The following PTPRO variants were observed in gnomAD, a reference collection of about 807,000 sequenced individuals.
PTPRO encodes the protein protein tyrosine phosphatase receptor type O.
Under a neutral mutation model 145.2 loss-of-function variants are expected in PTPRO, and 62 were observed. The ratio of observed to expected loss-of-function variants is 0.43; its 90% CI spans 0.35 to 0.53. The LOEUF (loss-of-function observed/expected upper bound fraction) is 0.53. Among genes scored for constraint, PTPRO ranks in the 20% least tolerant of loss-of-function variants. The pLI is 0.01. For synonymous variants in PTPRO, 565 were observed against 514.7 expected (o/e 1.10, Z -1.32); for missense variants, 1,345 against 1,482.7 (o/e 0.91, Z 1.53).
chr12:15,554,695 T>C (rs1943571277), intron 15 of PTPRO, among the ~76,000 whole-genome samples: 1 of 152,198 alleles, frequency 6.6e-6, no homozygotes, highest in East Asian at 1.9e-4. Flanking sequence ...GCTGGTTAGA[T>C]TGTGCCCACC....
intron 1 of PTPRO, among the ~76,000 whole-genome samples, chr12:15,432,646 C>T (rs1025515013): frequency 7.9e-5 from 12 of 152,164 alleles, no homozygotes; most frequent in East Asian, 3.9e-4. Flanking sequence ...CCCTTTTCTC[C>T]GCAACCTTGC....
At chr12:15,431,823 T>G (rs563310870) in intron 1 of PTPRO, among the ~76,000 whole-genome samples, 19 of 152,284 alleles carry the variant, frequency 1.2e-4, no homozygotes, top group African/African-American at 4.6e-4. Flanking sequence ...TATTATTTCT[T>G]TTTTGAACCT....
intron 1 of PTPRO, among the ~76,000 whole-genome samples, chr12:15,356,903 G>T (rs1481710087): frequency 2.0e-5 from 3 of 152,072 alleles, no homozygotes; most frequent in African/African-American, 7.2e-5. Context: ...TGTGGTATTG[G>T]CTAGGGAGGC....
At chr12:15,488,007 G>C (rs967166461) in intron 2 of PTPRO, among the ~76,000 whole-genome samples, 1 of 152,090 alleles carries the variant, frequency 6.6e-6, no homozygotes, top group African/African-American at 2.4e-5. Flanking sequence ...GTGAAATAGT[G>C]TGTCGCCTCT....
chr12:15,341,536 G>A (rs1866985251), intron 1 of PTPRO, among the ~76,000 whole-genome samples: 1 of 152,154 alleles, frequency 6.6e-6, no homozygotes, highest in Admixed American at 6.5e-5. Context: ...GCTTCAACTG[G>A]AGAGCTCAGC....
intron 1 of PTPRO, among the ~76,000 whole-genome samples, chr12:15,347,623 GT>G (rs1867270651): frequency 6.6e-6 from 1 of 152,144 alleles, no homozygotes; most frequent in Non-Finnish European, 1.5e-5. Context: ...CACTCAGATA[GT>G]TTTAGAATGA....
At chr12:15,466,253 GA>G (rs1249489156) in intron 1 of PTPRO, among the ~76,000 whole-genome samples, 1 of 151,956 alleles carries the variant, frequency 6.6e-6, no homozygotes, top group African/African-American at 2.4e-5. Context: ...GTATTTTGAA[GA>G]AGATAAAAAT....
At chr12:15,458,757 T>C (rs1328988236) in intron 1 of PTPRO, among the ~76,000 whole-genome samples, 1 of 152,110 alleles carries the variant, frequency 6.6e-6, no homozygotes, top group African/African-American at 2.4e-5. Flanking sequence ...GCATGTTCTA[T>C]TGACCTCATT....
At chr12:15,418,328 T>C (rs1234780161) in intron 1 of PTPRO, among the ~76,000 whole-genome samples, 1 of 151,774 alleles carries the variant, frequency 6.6e-6, no homozygotes. Context: ...ATAATTTCTC[T>C]GGGGTTCACA....
chr12:15,346,719 G>A (rs188838299), intron 1 of PTPRO: 18 of 152,276 alleles, frequency 1.2e-4, no homozygotes, highest in Non-Finnish European at 2.4e-4. Flanking sequence ...CATGAGGATA[G>A]GGAGACCAAC....
chr12:15,408,891 C>A (rs943754621), intron 1 of PTPRO, among the ~76,000 whole-genome samples: 2 of 152,112 alleles, frequency 1.3e-5, no homozygotes, highest in East Asian at 3.9e-4. Flanking sequence ...TTTGTCCAAT[C>A]TCTCCAACTA....
intron 1 of PTPRO, among the ~76,000 whole-genome samples, chr12:15,464,704 T>C (rs1033479149): frequency 2.6e-5 from 4 of 152,008 alleles, no homozygotes; most frequent in African/African-American, 9.7e-5. Context: ...CCTTTGTAAA[T>C]AGAGATATTT....
intron 7 of PTPRO, among the ~76,000 whole-genome samples, chr12:15,513,805 AC>A (rs1374604095): frequency 2.6e-5 from 4 of 152,222 alleles, no homozygotes; most frequent in Non-Finnish European, 5.9e-5. Context: ...TCTGGTTTAA[AC>A]ATTCTCAAAC....
intron 1 of PTPRO, among the ~76,000 whole-genome samples, chr12:15,435,828 C>T (rs1940580407): frequency 6.6e-6 from 1 of 152,162 alleles, no homozygotes; most frequent in Non-Finnish European, 1.5e-5. Flanking sequence ...ATTTTAGCTG[C>T]ACCATTGAAA....
intron 1 of PTPRO, among the ~76,000 whole-genome samples, chr12:15,407,639 A>C (rs753337281): frequency 6.6e-6 from 1 of 152,232 alleles, no homozygotes; most frequent in Non-Finnish European, 1.5e-5. Flanking sequence ...CCAACCTGCA[A>C]TTACAGCTAG....
intron 1 of PTPRO, among the ~76,000 whole-genome samples, chr12:15,351,635 G>T (rs947215611): frequency 1.3e-5 from 2 of 152,212 alleles, no homozygotes; most frequent in Non-Finnish European, 2.9e-5. Context: ...GGAAAGTAAA[G>T]AAGGTAGAGG....
At chr12:15,388,923 GAA>G (rs544965026) in intron 1 of PTPRO, among the ~76,000 whole-genome samples, 2 of 146,326 alleles carry the variant, frequency 1.4e-5, no homozygotes, top group Non-Finnish European at 3.0e-5. Context: ...CTCCATTCTA[GAA>G]AAAAAAAATC....
chr12:15,424,320 A>G (rs865804136), intron 1 of PTPRO, among the ~76,000 whole-genome samples: 2 of 152,092 alleles, frequency 1.3e-5, no homozygotes, highest in Non-Finnish European at 2.9e-5. Context: ...TTGGTATTCC[A>G]TTTTCCTTTA....
In PTPRO at chr12:15,409,930, G is replaced by C. The variant is rs149689444; in HGVS notation, c.76-74044G>C. Among the ~76,000 whole-genome samples the C allele has an allele frequency of 9.6e-3, 1,462 of 152,266 alleles. 8 individuals are homozygous for C. The highest frequency in any genetic ancestry group is 0.015 in the Non-Finnish European group (1,052 of 68,014). On this transcript the variant is annotated intron_variant, in intron 1 of 26. Transcript: ENST00000281171. The stretch of plus-strand genomic sequence containing the variant: ...AATATGAGTGGGGATATATGATTTG[G>C]ATGGGAACACAGATGCAAACTATGT...
Sources: allele counts gnomAD v4.1 joint callset (sites outside exome capture counted in the v4.1 genomes callset), GRCh38; gene constraint gnomAD v4.1.1; transcripts MANE v1.5; gene names NCBI Gene and HGNC (gene_info 2026-07-23, HGNC 2026-07-21).